The following TRDN variants were observed in gnomAD, a reference collection of about 807,000 sequenced individuals.
TRDN encodes triadin, also known as triadin in skeletal muscle.
A neutral mutation model predicts 149.7 loss-of-function variants in TRDN; 161 were observed. That is an observed-to-expected ratio of 1.08 (90% CI 0.95 to 1.23). The LOEUF (loss-of-function observed/expected upper bound fraction) is 1.23, where lower values mean the gene tolerates loss of function less well. Among genes scored for constraint, TRDN ranks in the 50% most tolerant of loss-of-function variants. TRDN has a pLI of 0.00. For synonymous variants in TRDN, 294 were observed against 250.5 expected, an observed-to-expected ratio of 1.17 and a Z score of -1.64; for missense variants, 896 against 823.5, an observed-to-expected ratio of 1.09 and a Z score of -1.08.
Position 123,381,396 on chromosome 6 carries a change from A to C in TRDN, c.1166-6T>G. On this transcript the variant is annotated splice_region_variant and splice_polypyrimidine_tract_variant and intron_variant, in intron 15 of 40. Transcript: ENST00000334268. ...TTTTCCCTTGGGTTGTTCTACTGAA[A>C]GAAATACAAACAAAATCATTGCTCT... The C allele has an allele frequency of 6.4e-7, 1 of 1,556,238 alleles. No individual in the cohort carries two copies. Among genetic ancestry groups the C allele is most frequent in the Non-Finnish European group, 8.7e-7 (1 of 1,148,554 alleles).
chr6:123,263,399 C>T (rs1203873658), intron 33 of TRDN, among the ~76,000 whole-genome samples: 4 of 151,908 alleles, frequency 2.6e-5, no homozygotes, highest in East Asian at 1.9e-4. Context: ...AAGCCACCTG[C>T]GTAACGTAAA....
intron 20 of TRDN, among the ~76,000 whole-genome samples, chr6:123,360,064 A>C (rs537379821): frequency 8.5e-5 from 13 of 152,192 alleles, no homozygotes; most frequent in African/African-American, 2.6e-4. Context: ...CAGGAAGCGC[A>C]GGTTTGTTAC....
At chr6:123,401,295 C>T (rs1055439534) in intron 12 of TRDN, among the ~76,000 whole-genome samples, 3 of 152,126 alleles carry the variant, frequency 2.0e-5, no homozygotes, top group African/African-American at 7.2e-5. Context: ...GGTAGACATC[C>T]TGAATGGAGA....
Position 123,316,457 on chromosome 6 carries a change from C to T in TRDN, c.1510G>A (p.Gly504Ser), listed in dbSNP as rs150531306. The T allele has an allele frequency of 4.8e-4, 774 of 1,609,974 alleles. 2 individuals are homozygous for T. In the African/African-American group the frequency reaches 8.8e-3, roughly 18 times the overall value. The change falls in exon 24 of 41, where the codon GGC (glycine) becomes AGC (serine). Residue 504 changes from glycine to serine, a missense_variant and splice_region_variant. By Grantham distance (56) the Gly-to-Ser change is moderately conservative. Coordinates refer to ENST00000334268, the MANE Select transcript of TRDN (RefSeq NM_006073.4). ...TKKDEKMSKA[G>S]KEVKPKPPQL... Reference sequence around the variant, plus strand: ...TGTAAATCTTACAAAATATCCTTACCTGCTTTGGACATCTTTTCATCTTTT... The same window carrying T: ...TGTAAATCTTACAAAATATCCTTACTTGCTTTGGACATCTTTTCATCTTTT...
chr6:123,557,721 G>A (rs1292624957), intron 2 of TRDN, among the ~76,000 whole-genome samples: 1 of 151,970 alleles, frequency 6.6e-6, no homozygotes, highest in African/African-American at 2.4e-5. Context: ...TTAGCAGCAA[G>A]CACCGCTTTT....
At chr6:123,293,732 G>A (rs1778091230) in intron 24 of TRDN, among the ~76,000 whole-genome samples, 1 of 152,142 alleles carries the variant, frequency 6.6e-6, no homozygotes, top group Non-Finnish European at 1.5e-5. Flanking sequence ...TGAATGGGAA[G>A]AAGTCAAACA....
At chr6:123,529,668 T>G (rs755530836) in intron 5 of TRDN, among the ~76,000 whole-genome samples, 28 of 152,164 alleles carry the variant, frequency 1.8e-4, no homozygotes, top group Non-Finnish European at 3.8e-4. Context: ...TATGACATAG[T>G]AAATACTGGA....
At chr6:123,633,598 ATGT>A (rs1173736536) in intron 1 of TRDN, among the ~76,000 whole-genome samples, 2 of 152,084 alleles carry the variant, frequency 1.3e-5, no homozygotes, top group Non-Finnish European at 2.9e-5. Context: ...CAGAATAAAT[ATGT>A]TATCATTGCT....
chr6:123,241,668 C>G (rs929235418), intron 38 of TRDN, among the ~76,000 whole-genome samples: 3 of 151,826 alleles, frequency 2.0e-5, no homozygotes, highest in Non-Finnish European at 4.4e-5. Flanking sequence ...ACTTTTCTAG[C>G]AGGCTTGGTT....
intron 5 of TRDN, chr6:123,528,695 A>T: frequency 1.0e-6 from 1 of 987,776 alleles, no homozygotes; most frequent in Non-Finnish European, 1.2e-6. Flanking sequence ...AAAGCAAAAC[A>T]TTTATTTTCA....
chr6:123,548,352 G>T, intron 3 of TRDN, 102 bp downstream of exon 3: 1 of 970,858 alleles, frequency 1.0e-6, no homozygotes, highest in Non-Finnish European at 1.4e-6. Context: ...TTTTGGTTTA[G>T]CTTGACCCAA....
intron 1 of TRDN, among the ~76,000 whole-genome samples, chr6:123,617,254 C>T (rs767684468): frequency 1.3e-5 from 2 of 151,880 alleles, no homozygotes; most frequent in Non-Finnish European, 2.9e-5. Context: ...CCAGAGGGGT[C>T]GTTTTTAAAA....
chr6:123,479,623 C>G (rs1404750909), intron 9 of TRDN, among the ~76,000 whole-genome samples: 2 of 152,098 alleles, frequency 1.3e-5, no homozygotes, highest in Admixed American at 1.3e-4. Context: ...ACAACTAGGA[C>G]CCAAGTATGC....
Position 123,278,611 on chromosome 6 carries a change from C to G in TRDN, c.1538-264G>C, listed in dbSNP as rs151216082. On this transcript the variant is annotated intron_variant, in intron 25 of 40. Coordinates refer to ENST00000334268, the MANE Select transcript of TRDN (RefSeq NM_006073.4). ...GTGGCTCATGCCTGTAATCTTAGCA[C>G]TTTGGAAGGCCAGCCAGGTGTGTTG... Among the ~76,000 whole-genome samples the G allele has an allele frequency of 1.4e-3, 206 of 152,180 alleles. 3 individuals are homozygous for G. The East Asian group carries it at 0.028, about 21-fold the overall frequency.
intron 38 of TRDN, among the ~76,000 whole-genome samples, chr6:123,230,166 GAAAATGCAGC>G (rs1367044221): frequency 9.2e-5 from 14 of 151,900 alleles, no homozygotes; most frequent in Non-Finnish European, 7.4e-5. Context: ...ACTGGAATAA[GAAAATGCAGC>G]ACATATACAC....
At chr6:123,568,136 G>A (rs1782383998) in intron 2 of TRDN, among the ~76,000 whole-genome samples, 1 of 152,192 alleles carries the variant, frequency 6.6e-6, no homozygotes, top group African/African-American at 2.4e-5. Context: ...AAACCCCACA[G>A]GGCAGTCATT....
intron 5 of TRDN, among the ~76,000 whole-genome samples, chr6:123,525,120 C>T (rs561414749): frequency 1.4e-4 from 22 of 152,060 alleles, no homozygotes; most frequent in African/African-American, 3.6e-4. Flanking sequence ...TAAATTCATT[C>T]GACCTCTATG....
intron 25 of TRDN, 76 bp downstream of exon 25, chr6:123,278,980 G>C (rs1582814582): frequency 7.7e-7 from 1 of 1,297,220 alleles, no homozygotes; most frequent in Non-Finnish European, 1.1e-6. Context: ...ATAAATAACA[G>C]CATGCATTTA....
At chr6:123,584,189 G>T (rs763733728) in intron 1 of TRDN, among the ~76,000 whole-genome samples, 1 of 152,242 alleles carries the variant, frequency 6.6e-6, no homozygotes, top group South Asian at 2.1e-4. Context: ...TGAAGTCCGG[G>T]CCAGGAACAA....
Sources: allele counts gnomAD v4.1 joint callset (sites outside exome capture counted in the v4.1 genomes callset), GRCh38; gene constraint gnomAD v4.1.1; transcripts MANE v1.5; gene names NCBI Gene and HGNC (gene_info 2026-07-23, HGNC 2026-07-21).